RAC2: variants seen among roughly 807,000 people sequenced by gnomAD.
The protein encoded by RAC2 is Rac family small GTPase 2.
A neutral mutation model predicts 24.0 loss-of-function variants in RAC2; 1 was observed. The observed-to-expected ratio is 0.04, with a 90% CI of 0.01 to 0.20. RAC2 has a LOEUF of 0.20. RAC2 is among the 10% of genes least tolerant of loss of function. The pLI is 1.00. For synonymous variants in RAC2, 114 were observed against 106.8 expected (o/e 1.07, Z -0.41); for missense variants, 130 against 259.1 (o/e 0.50, Z 3.42).
intron 2 of RAC2, among the ~76,000 whole-genome samples, chr22:37,237,809 C>G (rs1405489088): frequency 6.6e-6 from 1 of 151,876 alleles, no homozygotes; most frequent in Non-Finnish European, 1.5e-5. Flanking sequence ...AGATAAGGGC[C>G]CCGTCCTCAG....
At chr22:37,235,586 G>A (rs898117360) in intron 2 of RAC2, among the ~76,000 whole-genome samples, 2 of 152,246 alleles carry the variant, frequency 1.3e-5, no homozygotes, top group Admixed American at 1.3e-4. Context: ...GCGGTCTGGT[G>A]CACAGCAGGT....
chr22:37,240,461 A>G (rs1927353775), intron 2 of RAC2, among the ~76,000 whole-genome samples: 4 of 152,230 alleles, frequency 2.6e-5, no homozygotes, highest in African/African-American at 9.6e-5. Flanking sequence ...ATGAGATCAC[A>G]CATGTGTGAC....
chr22:37,228,968 C>A (rs908297157), intron 5 of RAC2, among the ~76,000 whole-genome samples: 3 of 152,170 alleles, frequency 2.0e-5, no homozygotes, highest in Non-Finnish European at 4.4e-5. Flanking sequence ...GAGCTCAGCC[C>A]GGAGTCTGGT....
rs1468089612 is a variant in RAC2 at position 37,226,796 on chromosome 22, C to T, written c.456G>A (p.Val152=). ...GLALAKEIDS[V]KYLECSALTQ... is the part of the protein sequence containing the mutation. ...TGAGAGCTGAGCACTCCAGGTATTT[C>T]ACCGAGTCTGGTTGGGGAGATGGAC... Residue 152 remains valine, a synonymous_variant, in exon 6 of 7, where the codon GTG becomes GTA. Coordinates refer to ENST00000249071, the MANE Select transcript of RAC2 (RefSeq NM_002872.5). 6.2e-7 allele frequency: 1 copy of T among 1,612,712 alleles called. No individual in the cohort carries two copies. Among genetic ancestry groups the T allele is most frequent in the Non-Finnish European group, 8.5e-7 (1 of 1,179,492 alleles).
In RAC2 at chr22:37,231,747, C is replaced by T. The variant is rs1311854586; in HGVS notation, c.288+185G>A. The stretch of plus-strand genomic sequence containing the variant: ...GGGGTATAGCTAACTATCGCAGCAC[C>T]CCCCACCCCAGGTCCTCTGAATCTT... On this transcript the variant is annotated intron_variant, in intron 4 of 6. Coordinates refer to ENST00000249071, the MANE Select transcript of RAC2 (RefSeq NM_002872.5). The surrounding 1 kb of genome is among the most constrained non-coding windows in gnomAD (Gnocchi z 5.5). Among the ~76,000 whole-genome samples, 1 of 151,816 alleles carries T rather than the reference C, an allele frequency of 6.6e-6. No homozygotes were observed. Among genetic ancestry groups the T allele is most frequent in the African/African-American group, 2.4e-5 (1 of 41,282 alleles).
intron 2 of RAC2, among the ~76,000 whole-genome samples, chr22:37,234,135 C>T (rs1335868015): frequency 2.6e-5 from 4 of 151,666 alleles, no homozygotes; most frequent in African/African-American, 4.8e-5. Context: ...GCAGAGCCAG[C>T]GCTGGGGCCA....
chr22:37,230,577 T>C lies in RAC2; in HGVS notation c.448+654A>G, dbSNP rs192986866. ...CACCCCCCAGCAGTGAGCCAATAAT[T>C]TGCTGTCCTTCCTTCAAATCTGGCT... On this transcript the variant is annotated intron_variant, in intron 5 of 6. Transcript: ENST00000249071. Among the ~76,000 whole-genome samples the C allele has an allele frequency of 2.4e-3, 372 of 152,194 alleles. 1 individual carries two copies. The highest frequency in any genetic ancestry group is 7.9e-4 in the Non-Finnish European group (54 of 67,990).
chr22:37,227,843 G>T (rs56074805), intron 5 of RAC2, among the ~76,000 whole-genome samples: 4,925 of 152,050 alleles, frequency 0.032, 241 homozygotes, highest in African/African-American at 0.11. Context: ...AATAGCGAGC[G>T]TGAACTCAGT....
At chr22:37,239,850 T>A (rs929023) in intron 2 of RAC2, among the ~76,000 whole-genome samples, 1 of 151,978 alleles carries the variant, frequency 6.6e-6, no homozygotes, top group Non-Finnish European at 1.5e-5. Context: ...TCTCCCTCCC[T>A]GCTCAGGTTT....
At chr22:37,242,023 C>G (rs2145831596) in intron 1 of RAC2, among the ~76,000 whole-genome samples, 1 of 152,322 alleles carries the variant, frequency 6.6e-6, no homozygotes, top group South Asian at 2.1e-4. Flanking sequence ...GGCTTCAAAT[C>G]CCAGCTGTAC....
chr22:37,240,662 C>T, intron 2 of RAC2: 1 of 277,052 alleles, frequency 3.6e-6, no homozygotes, highest in Non-Finnish European at 7.1e-6. Context: ...AAGAGCTGGC[C>T]ATGGCTCCCT....
chr22:37,230,316 T>C (rs115414326), intron 5 of RAC2, among the ~76,000 whole-genome samples: 28 of 151,860 alleles, frequency 1.8e-4, no homozygotes, highest in African/African-American at 5.8e-4. Context: ...TGGATTCAAT[T>C]TGGGGGCCAA....
Position 37,241,649 on chromosome 22 carries a change from G to A in RAC2, c.45C>T (p.Gly15=). The part of the protein sequence containing the change: ...KCVVVGDGAV[G]KTCLLISYTT... ...TGTAGCTGATGAGAAGGCAGGTCTT[G>A]CCCACGGCCCTGAAAGACAGGAAGT... The change falls in exon 2 of 7, where the codon GGC becomes GGT. Residue 15 remains glycine (G), a synonymous_variant. Coordinates refer to ENST00000249071, the MANE Select transcript of RAC2 (RefSeq NM_002872.5). 2 of 1,614,014 alleles carry A rather than the reference G, an allele frequency of 1.2e-6. No individual in the cohort carries two copies. The highest frequency in any genetic ancestry group is 1.7e-6 in the Non-Finnish European group (2 of 1,179,852).
At chr22:37,241,761 C>A in intron 1 of RAC2, 103 bp from the exon 2 acceptor site, 3 of 1,066,178 alleles carry the variant, frequency 2.8e-6, no homozygotes, top group Non-Finnish European at 4.4e-6. Flanking sequence ...TCCACCCAGC[C>A]TAGCCCTCTG....
At chr22:37,240,414 C>G (rs1927352738) in intron 2 of RAC2, among the ~76,000 whole-genome samples, 1 of 152,204 alleles carries the variant, frequency 6.6e-6, no homozygotes, top group Non-Finnish European at 1.5e-5. Context: ...CCATGGGTGT[C>G]CTGTGCATGC....
chr22:37,236,431 A>G (rs972075665), intron 2 of RAC2, among the ~76,000 whole-genome samples: 1 of 152,246 alleles, frequency 6.6e-6, no homozygotes. Context: ...CCGGATGAAG[A>G]AATTGAGGCT....
intron 1 of RAC2, among the ~76,000 whole-genome samples, chr22:37,242,567 C>T (rs1927434446): frequency 6.6e-6 from 1 of 152,298 alleles, no homozygotes; most frequent in South Asian, 2.1e-4. Flanking sequence ...TTGTCACTTC[C>T]TGCTCAGAGA....
chr22:37,235,799 C>A (rs1927205060), intron 2 of RAC2, among the ~76,000 whole-genome samples: 2 of 152,198 alleles, frequency 1.3e-5, no homozygotes, highest in Non-Finnish European at 2.9e-5. Flanking sequence ...CCAAGAAGCC[C>A]CACAAGATTC....
Position 37,230,727 on chromosome 22 carries a change from G to A in RAC2, c.448+504C>T, listed in dbSNP as rs115957545. Among the ~76,000 whole-genome samples the A allele has an allele frequency of 5.5e-3, 843 of 152,226 alleles. 6 individuals are homozygous for A. The highest frequency in any genetic ancestry group is 0.019 in the African/African-American group (773 of 41,510). ...GGGGAAAGGGAGGAGAGAAGGTGGT[G>A]GAAGGAAATGTGTCACCCTTTAGAT... is the stretch of plus-strand genomic sequence containing the variant. On this transcript the variant is annotated intron_variant, in intron 5 of 6. Coordinates refer to ENST00000249071, the MANE Select transcript of RAC2 (RefSeq NM_002872.5).
Sources: allele counts gnomAD v4.1 joint callset (sites outside exome capture counted in the v4.1 genomes callset), GRCh38; gene constraint gnomAD v4.1.1; non-coding constraint Gnocchi (gnomAD v3.1); transcripts MANE v1.5; gene names NCBI Gene and HGNC (gene_info 2026-07-23, HGNC 2026-07-21).